Variants in GPC5 observed in about 807,000 individuals in gnomAD.
GPC5 encodes glypican 5.
Under a neutral mutation model 53.9 loss-of-function variants are expected in GPC5, and 47 were observed. That is an observed-to-expected ratio of 0.87 (90% confidence interval 0.69 to 1.11). The LOEUF (loss-of-function observed/expected upper bound fraction) is 1.11. Ranked by LOEUF, GPC5 falls within the 50% of genes most tolerant of loss-of-function variation. The pLI, the probability that GPC5 is intolerant of heterozygous loss-of-function variation, is 0.00. For missense variants in GPC5, 748 were observed against 713.1 expected (o/e 1.05, Z -0.56); for synonymous variants, 286 against 263.3 (o/e 1.09, Z -0.84).
At chr13:91,537,550 A>G (rs1886649008) in intron 2 of GPC5, among the ~76,000 whole-genome samples, 1 of 152,214 alleles carries the variant, frequency 6.6e-6, no homozygotes, top group Non-Finnish European at 1.5e-5. Context: ...CATAAAGAAA[A>G]GTGTTCAACT....
intron 7 of GPC5, among the ~76,000 whole-genome samples, chr13:92,370,872 C>T (rs758032678): frequency 2.0e-5 from 3 of 152,066 alleles, no homozygotes; most frequent in Non-Finnish European, 4.4e-5. Flanking sequence ...TGGCTGGGCA[C>T]AGTGGGTGGC....
intron 2 of GPC5, among the ~76,000 whole-genome samples, chr13:91,462,559 C>T (rs937269514): frequency 4.1e-4 from 63 of 152,208 alleles, no homozygotes; most frequent in Admixed American, 3.1e-3. Flanking sequence ...ATTTCCTACC[C>T]GCTGAAAATG....
At chr13:91,596,165 G>A (rs1452086086) in intron 2 of GPC5, among the ~76,000 whole-genome samples, 3 of 151,854 alleles carry the variant, frequency 2.0e-5, no homozygotes, top group African/African-American at 7.3e-5. Flanking sequence ...TAGCCATTCT[G>A]GTTTAATGTA....
At chr13:92,061,123 A>G (rs1003168936) in intron 6 of GPC5, among the ~76,000 whole-genome samples, 4 of 152,012 alleles carry the variant, frequency 2.6e-5, no homozygotes, top group African/African-American at 9.7e-5. Context: ...CTTTATTGTT[A>G]ATAGAAAATG....
At chr13:91,612,501 T>C (rs2033583730) in intron 2 of GPC5, among the ~76,000 whole-genome samples, 1 of 152,154 alleles carries the variant, frequency 6.6e-6, no homozygotes, top group Non-Finnish European at 1.5e-5. Context: ...GAAAGAAAAG[T>C]ATACAGCTCT....
intron 7 of GPC5, among the ~76,000 whole-genome samples, chr13:92,538,536 A>G (rs909425145): frequency 6.8e-6 from 1 of 146,780 alleles, no homozygotes; most frequent in African/African-American, 2.5e-5. Flanking sequence ...ATAGGTATAC[A>G]TGTGCCATGG....
chr13:91,647,259 A>G (rs2034583470), intron 2 of GPC5, among the ~76,000 whole-genome samples: 1 of 152,164 alleles, frequency 6.6e-6, no homozygotes, highest in Admixed American at 6.5e-5. Context: ...TGCTTCATGG[A>G]AAAAGTGCAT....
At chr13:92,219,499 C>T (rs975764740) in intron 7 of GPC5, among the ~76,000 whole-genome samples, 1 of 152,106 alleles carries the variant, frequency 6.6e-6, no homozygotes, top group African/African-American at 2.4e-5. Flanking sequence ...AGGAAAACCC[C>T]TACTTTCCAC....
At chr13:91,512,966 T>C (rs1306127070) in intron 2 of GPC5, among the ~76,000 whole-genome samples, 1 of 152,110 alleles carries the variant, frequency 6.6e-6, no homozygotes, top group East Asian at 1.9e-4. Context: ...CAGATACAGG[T>C]CTCATATTTA....
intron 7 of GPC5, among the ~76,000 whole-genome samples, chr13:92,862,381 G>T (rs1879207882): frequency 1.3e-5 from 2 of 151,896 alleles, no homozygotes; most frequent in South Asian, 2.1e-4. Flanking sequence ...CCTTAAAAAT[G>T]GATATTTTCC....
intron 7 of GPC5, among the ~76,000 whole-genome samples, chr13:92,252,878 C>T (rs1003209913): frequency 2.0e-5 from 3 of 152,160 alleles, no homozygotes; most frequent in African/African-American, 7.2e-5. Context: ...TAGTGACTAC[C>T]TGAGTGCTGC....
intron 5 of GPC5, among the ~76,000 whole-genome samples, chr13:91,796,343 C>A (rs1000365911): frequency 6.6e-6 from 1 of 152,130 alleles, no homozygotes; most frequent in African/African-American, 2.4e-5. Flanking sequence ...GGTTGGAAGT[C>A]AAAATGGCGG....
At chr13:91,899,775 T>A (rs969879302) in intron 5 of GPC5, among the ~76,000 whole-genome samples, 1 of 151,998 alleles carries the variant, frequency 6.6e-6, no homozygotes, top group African/African-American at 2.4e-5. Flanking sequence ...CAGTCGCAAA[T>A]CAAAGAAGGC....
chr13:91,581,589 A>G (rs897625973), intron 2 of GPC5, among the ~76,000 whole-genome samples: 3 of 152,198 alleles, frequency 2.0e-5, no homozygotes, highest in African/African-American at 7.2e-5. Flanking sequence ...TCACTAATAT[A>G]TTTTGTAGTT....
intron 6 of GPC5, among the ~76,000 whole-genome samples, chr13:92,030,462 G>T (rs1594733211): frequency 6.6e-6 from 1 of 152,046 alleles, no homozygotes; most frequent in Admixed American, 6.6e-5. Context: ...ACTCTTTCCA[G>T]ATTAGAAACA....
chr13:92,698,478 C>G (rs1419077936), intron 7 of GPC5, among the ~76,000 whole-genome samples: 2 of 152,100 alleles, frequency 1.3e-5, no homozygotes, highest in Non-Finnish European at 2.9e-5. Flanking sequence ...CATCCATGTC[C>G]CTACAAAGGA....
chr13:92,036,693 C>T (rs1328281891), intron 6 of GPC5, among the ~76,000 whole-genome samples: 3 of 152,212 alleles, frequency 2.0e-5, no homozygotes, highest in African/African-American at 7.2e-5. Context: ...CACTTAACAT[C>T]TCTCAAACAC....
At chr13:92,604,675 T>C (rs561853076) in intron 7 of GPC5, among the ~76,000 whole-genome samples, 1 of 152,344 alleles carries the variant, frequency 6.6e-6, no homozygotes, top group South Asian at 2.1e-4. Flanking sequence ...GGAAAATCAC[T>C]TTTTAATGAG....
intron 7 of GPC5, among the ~76,000 whole-genome samples, chr13:92,308,466 C>T (rs2043125465): frequency 6.6e-6 from 1 of 152,134 alleles, no homozygotes; most frequent in African/African-American, 2.4e-5. Flanking sequence ...AAACACGTTT[C>T]TGCAGAACTC....
Sources: allele counts gnomAD v4.1 joint callset (sites outside exome capture counted in the v4.1 genomes callset), GRCh38; gene constraint gnomAD v4.1.1; transcripts MANE v1.5; gene names NCBI Gene and HGNC (gene_info 2026-07-23, HGNC 2026-07-21).